The following MBTD1 variants were observed in gnomAD, a reference collection of about 807,000 sequenced individuals.
The protein encoded by MBTD1 is MBT domain-containing protein 1.
A neutral mutation model predicts 87.8 loss-of-function variants in MBTD1; 24 were observed. The observed-to-expected ratio is 0.27, with a 90% CI of 0.20 to 0.38. The LOEUF (loss-of-function observed/expected upper bound fraction) is 0.38, where lower values mean the gene tolerates loss of function less well. Among genes scored for constraint, MBTD1 ranks in the 10% least tolerant of loss-of-function variants. The probability of loss-of-function intolerance (pLI) is 1.00; values close to 1 mark genes in which losing one functional copy is unlikely to be tolerated. For missense variants in MBTD1, 436 were observed against 760.2 expected (o/e 0.57, Z 5.02); for synonymous variants, 237 against 248.6 (o/e 0.95, Z 0.44).
At chr17:51,259,756 T>C in intron 1 of MBTD1, 79 bp downstream of exon 1, 1 of 1,210,238 alleles carries the variant, frequency 8.3e-7, no homozygotes, top group Non-Finnish European at 1.0e-6. Context: ...GTCAGGGAGC[T>C]GCGGGGTTCC....
chr17:51,211,281 C>T (rs2052193200), intron 6 of MBTD1, among the ~76,000 whole-genome samples: 1 of 151,858 alleles, frequency 6.6e-6, no homozygotes, highest in East Asian at 1.9e-4. Flanking sequence ...TTGCTTGTAC[C>T]CAGCAGTTTG....
chr17:51,214,226 CA>C (rs1568187444), intron 6 of MBTD1, among the ~76,000 whole-genome samples: 2 of 152,104 alleles, frequency 1.3e-5, no homozygotes, highest in Non-Finnish European at 2.9e-5. Context: ...CTTGGCCTCC[CA>C]AAGTGTTGGG....
chr17:51,217,570 G>C (rs146915439), intron 5 of MBTD1, among the ~76,000 whole-genome samples, 154 bp from the exon 6 acceptor site: 1 of 152,236 alleles, frequency 6.6e-6, no homozygotes, highest in East Asian at 1.9e-4. Context: ...TCTCTAAATA[G>C]CATGAGCTTT....
chr17:51,179,548 G>GA lies in MBTD1; in HGVS notation c.*1027dup, dbSNP rs1443538271. The GA allele has an allele frequency of 1.2e-5, 1 of 84,454 alleles. No individual in the cohort carries two copies. The allele number at this position is 84,454 out of a possible 1,614,324, so 5.2% of individuals were successfully genotyped here. ...TATATATATATATATGGAATTTTAA[G>GA]AAAATTAAATTCTCTTTCAAATTAG... On this transcript the variant is annotated 3_prime_UTR_variant, in exon 17 of 17. Coordinates refer to ENST00000586178, the MANE Select transcript of MBTD1 (RefSeq NM_017643.3).
At position 51,225,063 on chromosome 17, in the gene MBTD1, C is replaced by A. The variant is rs551897305; in HGVS notation, c.99G>T (p.Pro33=). The A allele has an allele frequency of 6.4e-6, 10 of 1,551,050 alleles. 1 individual carries two copies. In the East Asian group the frequency reaches 2.4e-4, roughly 38 times the overall value. The change falls in exon 3 of 17, where the codon CCG becomes CCT. Residue 33 remains proline (P), a synonymous_variant. Coordinates refer to ENST00000586178, the MANE Select transcript of MBTD1 (RefSeq NM_017643.3). ...EEVAPLPSNL[P]IIKNNGQVYT... The stretch of plus-strand genomic sequence containing the variant: ...AGACTTGCCCATTGTTTTTGATAAT[C>A]GGGAGATTAGAAGGTAAAGGAGCGA...
chr17:51,184,416 T>C (rs2050445704), intron 16 of MBTD1: 1 of 152,220 alleles, frequency 6.6e-6, no homozygotes, highest in South Asian at 2.1e-4. Flanking sequence ...AGCCCATAAA[T>C]AATAAACTCT....
At position 51,225,395 on chromosome 17, in the gene MBTD1, C is replaced by T. The variant is rs576462100; in HGVS notation, c.-48-186G>A. 5.9e-5 allele frequency among the ~76,000 whole-genome samples: 9 copies of T among 151,530 alleles called. No homozygotes were observed. The South Asian group carries it at 1.9e-3, about 32-fold the overall frequency. ...TTGAGACAGAGTCTCGCTCTGTCAC[C>T]CAGGCTGGAGTGCAGTGACAATCTT... On this transcript the variant is annotated intron_variant, in intron 2 of 16. Transcript: ENST00000586178.
chr17:51,202,122 G>T, intron 10 of MBTD1, 45 bp from the exon 11 acceptor site: 2 of 1,213,862 alleles, frequency 1.6e-6, no homozygotes, highest in Non-Finnish European at 2.4e-6. Flanking sequence ...TTTGTGAGAA[G>T]ACCAAAAACC....
At chr17:51,217,039 A>G (rs2052610782) in intron 6 of MBTD1, among the ~76,000 whole-genome samples, 1 of 152,176 alleles carries the variant, frequency 6.6e-6, no homozygotes, top group African/African-American at 2.4e-5. Context: ...TGTCTTTACA[A>G]AAAAATTTAA....
upstream of MBTD1, chr17:51,260,538 G>A (rs2055416403): frequency 3.8e-6 from 6 of 1,566,656 alleles, no homozygotes; most frequent in South Asian, 1.2e-5. Context: ...GGGCGCATGC[G>A]CAGCGAGGTT....
chr17:51,250,662 G>A (rs1443707040), intron 2 of MBTD1: 1 of 152,184 alleles, frequency 6.6e-6, no homozygotes, highest in Non-Finnish European at 1.5e-5. Context: ...CATCTTTACA[G>A]TCATACAGCT....
At position 51,196,348 on chromosome 17, in the gene MBTD1, C is replaced by G. The variant is rs548433933; in HGVS notation, c.1225-987G>C. 4.0e-5 allele frequency among the ~76,000 whole-genome samples: 6 copies of G among 151,882 alleles called. No homozygotes were observed. In the East Asian group the frequency reaches 1.2e-3, roughly 30 times the overall value. Reference sequence around the variant, plus strand: ...AAGTGATTCTTCTGCCTCAGCCTCCCAAGTAGCTGGGATTACAGGTATGGG... The same window carrying G: ...AAGTGATTCTTCTGCCTCAGCCTCCGAAGTAGCTGGGATTACAGGTATGGG... On this transcript the variant is annotated intron_variant, in intron 12 of 16. Transcript: ENST00000586178.
At chr17:51,239,650 C>T (rs748404095) in intron 2 of MBTD1, among the ~76,000 whole-genome samples, 1 of 152,072 alleles carries the variant, frequency 6.6e-6, no homozygotes, top group African/African-American at 2.4e-5. Context: ...CTAGCCTGTG[C>T]ATTATAAGAT....
intron 13 of MBTD1, among the ~76,000 whole-genome samples, chr17:51,193,904 A>C (rs1400119623): frequency 6.6e-6 from 1 of 152,052 alleles, no homozygotes; most frequent in African/African-American, 2.4e-5. Flanking sequence ...TATTGGCGTG[A>C]GCCACTGCAC....
At position 51,202,943 on chromosome 17, in the gene MBTD1, G is replaced by A. The variant is rs1437188001; in HGVS notation, c.829-8C>T. On this transcript the variant is annotated splice_polypyrimidine_tract_variant and splice_region_variant and intron_variant, in intron 9 of 16. Transcript: ENST00000586178. ...CTGCATACTCTCTGAAACCTTAAAA[G>A]CATACAAAAAAAACTGCTCGAAATT... 1 of 1,600,516 alleles carries A rather than the reference G, an allele frequency of 6.2e-7. No individual in the cohort carries two copies. Among genetic ancestry groups the A allele is most frequent in the Non-Finnish European group, 8.6e-7 (1 of 1,168,572 alleles).
At position 51,187,029 on chromosome 17, in the gene MBTD1, C is replaced by G. The variant is rs2050569116; in HGVS notation, c.1768+5174G>C. On this transcript the variant is annotated intron_variant, in intron 16 of 16. Transcript: ENST00000586178. The stretch of plus-strand genomic sequence containing the variant: ...ATGTGCTCTCCTAACTTTTAGTTTA[C>G]AATTCACTCTTTTAGAAAACACAAT... Among the ~76,000 whole-genome samples, 6 of 152,106 alleles carry G rather than the reference C, an allele frequency of 3.9e-5. No homozygotes were observed. In the South Asian group the frequency reaches 8.3e-4, roughly 21 times the overall value.
At chr17:51,241,384 A>T (rs1393733999) in intron 2 of MBTD1, among the ~76,000 whole-genome samples, 1 of 152,202 alleles carries the variant, frequency 6.6e-6, no homozygotes, top group East Asian at 1.9e-4. Context: ...TAATGCAAAT[A>T]TTCAGCTCAT....
intron 2 of MBTD1, among the ~76,000 whole-genome samples, chr17:51,238,113 G>C (rs1162592785): frequency 6.6e-6 from 1 of 152,096 alleles, no homozygotes; most frequent in Non-Finnish European, 1.5e-5. Flanking sequence ...TGGAAAAGGG[G>C]AGTTATAAAG....
At chr17:51,218,698 C>T (rs952885534) in intron 5 of MBTD1, among the ~76,000 whole-genome samples, 2 of 151,932 alleles carry the variant, frequency 1.3e-5, no homozygotes, top group African/African-American at 4.8e-5. Context: ...AATAATAAAC[C>T]AAATAAAAAC....
Sources: allele counts gnomAD v4.1 joint callset (sites outside exome capture counted in the v4.1 genomes callset), GRCh38; gene constraint gnomAD v4.1.1; transcripts MANE v1.5; gene names NCBI Gene and HGNC (gene_info 2026-07-23, HGNC 2026-07-21).